The following ZDHHC14 variants were observed in gnomAD, a reference collection of about 807,000 sequenced individuals.
ZDHHC14 encodes zDHHC palmitoyltransferase 14, also known as palmitoyltransferase ZDHHC14.
A neutral mutation model predicts 47.7 loss-of-function variants in ZDHHC14; 16 were observed. The observed-to-expected ratio is 0.34, with a 90% CI of 0.23 to 0.51. The LOEUF (loss-of-function observed/expected upper bound fraction) is 0.51, where lower values mean the gene tolerates loss of function less well. Ranked by LOEUF, ZDHHC14 falls within the 20% of genes least tolerant of loss-of-function variation. The pLI is 0.97. For missense variants in ZDHHC14, 515 were observed against 662.5 expected (o/e 0.78, Z 2.44); for synonymous variants, 293 against 278.9 (o/e 1.05, Z -0.50).
intron 1 of ZDHHC14, among the ~76,000 whole-genome samples, chr6:157,443,519 A>T (rs941387935): frequency 3.9e-5 from 6 of 152,176 alleles, no homozygotes; most frequent in African/African-American, 1.4e-4. Context: ...AAGAAACCAG[A>T]TGGTGGAATT....
intron 1 of ZDHHC14, among the ~76,000 whole-genome samples, chr6:157,522,822 TCCCTC>T (rs1780984497): frequency 3.9e-5 from 1 of 25,590 alleles, no homozygotes; most frequent in Non-Finnish European, 6.1e-5. Flanking sequence ...CCTCCCTCCC[TCCCTC>T]CCTCCCTCCC....
At chr6:157,465,105 CTTTTTTTTT>C (rs772080368) in intron 1 of ZDHHC14, among the ~76,000 whole-genome samples, 4 of 102,010 alleles carry the variant, frequency 3.9e-5, no homozygotes, top group African/African-American at 7.8e-5. Context: ...TCTCTTTCTC[CTTTTTTTTT>C]TTTTTTTTTT....
intron 1 of ZDHHC14, among the ~76,000 whole-genome samples, chr6:157,387,815 T>C (rs1274248040): frequency 1.3e-5 from 2 of 152,218 alleles, no homozygotes; most frequent in Admixed American, 6.5e-5. Context: ...CCAGTAAATA[T>C]CTGCTGTTTA....
At chr6:157,560,273 A>G (rs528366569) in intron 2 of ZDHHC14, among the ~76,000 whole-genome samples, 1 of 152,326 alleles carries the variant, frequency 6.6e-6, no homozygotes, top group East Asian at 1.9e-4. Context: ...TGCCTACACA[A>G]CAGCTACAGT....
Position 157,614,827 on chromosome 6 carries a change from A to G in ZDHHC14, c.566-13522A>G, listed in dbSNP as rs111816745. On this transcript the variant is annotated intron_variant, in intron 3 of 8. Coordinates refer to ENST00000359775, the MANE Select transcript of ZDHHC14 (RefSeq NM_024630.3). The stretch of plus-strand genomic sequence containing the variant: ...ACTGTGTCACCCACGCTGGAGTGCA[A>G]TGGTGCAATCTTGGCTCACTGTAAC... Among the ~76,000 whole-genome samples, 644 of 151,600 alleles carry G rather than the reference A, an allele frequency of 4.2e-3. 8 individuals carry two copies. The highest frequency in any genetic ancestry group is 0.014 in the African/African-American group (566 of 41,268).
At chr6:157,545,559 T>C (rs1247851941) in intron 2 of ZDHHC14, among the ~76,000 whole-genome samples, 2 of 151,710 alleles carry the variant, frequency 1.3e-5, no homozygotes, top group East Asian at 3.9e-4. Context: ...ACACTTGTAG[T>C]CCCAGCTACT....
intron 6 of ZDHHC14, 150 bp from the exon 7 acceptor site, chr6:157,647,109 G>A (rs959136215): frequency 5.2e-4 from 311 of 596,600 alleles, no homozygotes; most frequent in Non-Finnish European, 1.8e-4. Flanking sequence ...CAAGTTTGGA[G>A]TAAATGCCCG....
In ZDHHC14 at chr6:157,623,500, G is replaced by T. The variant is rs893346701; in HGVS notation, c.566-4849G>T. On this transcript the variant is annotated intron_variant, in intron 3 of 8. Transcript: ENST00000359775. ...TTCCTTTATAAATTACCCAGTCTCG[G>T]GTATGCCCTTATAGCAGCATGAGAA... 9.2e-5 allele frequency among the ~76,000 whole-genome samples: 14 copies of T among 151,518 alleles called. No homozygotes were observed. In the East Asian group the frequency reaches 2.7e-3, roughly 29 times the overall value.
At chr6:157,420,663 C>G (rs1778081715) in intron 1 of ZDHHC14, among the ~76,000 whole-genome samples, 1 of 152,194 alleles carries the variant, frequency 6.6e-6, no homozygotes, top group South Asian at 2.1e-4. Flanking sequence ...TAATGACTTC[C>G]CTTCCTTCAC....
At chr6:157,666,246 T>C (rs900013535) in intron 8 of ZDHHC14, among the ~76,000 whole-genome samples, 1 of 152,214 alleles carries the variant, frequency 6.6e-6, no homozygotes, top group Non-Finnish European at 1.5e-5. Context: ...ACATGGTACA[T>C]AATTGCTACA....
chr6:157,662,088 A>T (rs1778366378), intron 8 of ZDHHC14, among the ~76,000 whole-genome samples: 1 of 152,216 alleles, frequency 6.6e-6, no homozygotes, highest in Admixed American at 6.5e-5. Flanking sequence ...GGCACACCAG[A>T]TTGCAAATTA....
At chr6:157,505,513 CT>C (rs1431934693) in intron 1 of ZDHHC14, among the ~76,000 whole-genome samples, 1 of 152,156 alleles carries the variant, frequency 6.6e-6, no homozygotes, top group African/African-American at 2.4e-5. Context: ...GAAAATGTGA[CT>C]GAGTGCAGTA....
At chr6:157,639,014 A>C (rs1777116294) in intron 5 of ZDHHC14, among the ~76,000 whole-genome samples, 1 of 152,240 alleles carries the variant, frequency 6.6e-6, no homozygotes, top group Non-Finnish European at 1.5e-5. Flanking sequence ...TGTTGTGCCC[A>C]CGCACTCCAC....
intron 2 of ZDHHC14, among the ~76,000 whole-genome samples, chr6:157,554,582 C>A (rs563357097): frequency 6.6e-6 from 1 of 152,304 alleles, no homozygotes; most frequent in Non-Finnish European, 1.5e-5. Context: ...AGAATAGGCA[C>A]ACGGGACTAG....
intron 1 of ZDHHC14, among the ~76,000 whole-genome samples, chr6:157,415,650 G>A (rs1319299952): frequency 1.3e-5 from 2 of 152,108 alleles, no homozygotes; most frequent in Non-Finnish European, 2.9e-5. Flanking sequence ...CAAGGTGGGC[G>A]GATCACTTGA....
At chr6:157,529,498 C>T (rs1245980726) in intron 1 of ZDHHC14, among the ~76,000 whole-genome samples, 1 of 152,136 alleles carries the variant, frequency 6.6e-6, no homozygotes, top group Non-Finnish European at 1.5e-5. Flanking sequence ...GCTTGTTATT[C>T]TTCAACTGGA....
At chr6:157,603,215 T>C (rs757870178) in intron 3 of ZDHHC14, among the ~76,000 whole-genome samples, 2 of 152,220 alleles carry the variant, frequency 1.3e-5, no homozygotes, top group Non-Finnish European at 2.9e-5. Context: ...CCAGAAGCAC[T>C]TATGGAGTGG....
intron 1 of ZDHHC14, among the ~76,000 whole-genome samples, chr6:157,533,581 G>A (rs141286546): frequency 5.3e-5 from 8 of 152,308 alleles, no homozygotes; most frequent in East Asian, 3.9e-4. Context: ...TGCAGGGGTC[G>A]GCAGGAGGGA....
chr6:157,478,997 C>T (rs1033132559), intron 1 of ZDHHC14, among the ~76,000 whole-genome samples: 1 of 152,152 alleles, frequency 6.6e-6, no homozygotes, highest in Non-Finnish European at 1.5e-5. Flanking sequence ...AGGAAAGGTC[C>T]GCGGGGAGAC....
Sources: gnomAD v4.1 joint callset for allele counts (sites outside exome capture counted in the v4.1 genomes callset) on GRCh38, gnomAD v4.1.1 for gene constraint, MANE v1.5 for transcripts, NCBI Gene and HGNC (gene_info 2026-07-23, HGNC 2026-07-21) for gene names.